The following FHIT variants were observed in gnomAD, a reference collection of about 807,000 sequenced individuals.
FHIT encodes the protein bis(5'-adenosyl)-triphosphatase.
Under a neutral mutation model 17.9 loss-of-function variants are expected in FHIT, and 19 were observed. That is an observed-to-expected ratio of 1.06 (90% CI 0.74 to 1.56). FHIT has a LOEUF of 1.56. Ranked by LOEUF, FHIT falls within the 40% of genes most tolerant of loss-of-function variation. The pLI is 0.00. For synonymous variants in FHIT, 81 were observed against 69.7 expected (o/e 1.16, Z -0.81); for missense variants, 248 against 189.2 (o/e 1.31, Z -1.82).
chr3:60,529,282 G>A (rs187240832), intron 5 of FHIT, among the ~76,000 whole-genome samples: 52 of 152,054 alleles, frequency 3.4e-4, no homozygotes, highest in African/African-American at 9.9e-4. Context: ...ACACATATAC[G>A]TATTTTGTAT....
rs73836126 is a variant in FHIT, at chr3:60,788,600, A to G, written c.-18+33319T>C. ...ATACTAGGGGCTGAGGGTTGCCACA[A>G]AGGGAGGTATGTACATATATACAGC... On this transcript the variant is annotated intron_variant, in intron 4 of 9. Coordinates refer to ENST00000492590, the MANE Select transcript of FHIT (RefSeq NM_002012.4). Among the ~76,000 whole-genome samples, 235 of 152,284 alleles carry G rather than the reference A, an allele frequency of 1.5e-3. 2 individuals carry two copies. Among genetic ancestry groups the G allele is most frequent in the African/African-American group, 5.4e-3 (226 of 41,548 alleles).
chr3:60,059,450 G>C (rs1352522157), intron 5 of FHIT, among the ~76,000 whole-genome samples: 6 of 152,132 alleles, frequency 3.9e-5, no homozygotes, highest in African/African-American at 1.4e-4. Flanking sequence ...AGGCCCAGAA[G>C]TACAACAACA....
chr3:59,904,831 G>T (rs961662570), intron 8 of FHIT, among the ~76,000 whole-genome samples: 57 of 152,294 alleles, frequency 3.7e-4, no homozygotes, highest in African/African-American at 1.3e-3. Flanking sequence ...CTGGGCCTGG[G>T]GCCTTTTCCA....
At chr3:60,100,634 C>T (rs922902069) in intron 5 of FHIT, among the ~76,000 whole-genome samples, 1 of 152,094 alleles carries the variant, frequency 6.6e-6, no homozygotes, top group African/African-American at 2.4e-5. Flanking sequence ...TCAAAAACAC[C>T]ACAAATCACT....
In FHIT at chr3:60,081,084, A is replaced by G. The variant is rs1156698588; in HGVS notation, c.104-66932T>C. 3.3e-5 allele frequency among the ~76,000 whole-genome samples: 5 copies of G among 152,176 alleles called. No homozygotes were observed. The East Asian group carries it at 9.7e-4, about 29-fold the overall frequency. ...CAAAGAGAGAGAAATAGACAGGGAGATGGAATGAGGTAGACAAATCTTAGA... is the reference window on the plus strand; with the variant it reads ...CAAAGAGAGAGAAATAGACAGGGAGGTGGAATGAGGTAGACAAATCTTAGA... On this transcript the variant is annotated intron_variant, in intron 5 of 9. Transcript: ENST00000492590.
chr3:60,951,087 T>C (rs1409396347), intron 3 of FHIT, among the ~76,000 whole-genome samples: 3 of 152,202 alleles, frequency 2.0e-5, no homozygotes, highest in Non-Finnish European at 4.4e-5. Flanking sequence ...ACATTCCTGA[T>C]ACACAGGAGA....
chr3:60,041,028 T>C lies in FHIT; in HGVS notation c.104-26876A>G, dbSNP rs1701417276. The stretch of plus-strand genomic sequence containing the variant: ...ATAAACCACAGGTGTCAGATATGTA[T>C]CCAAAACATCTCTCTGAAGGACTTT... On this transcript the variant is annotated intron_variant, in intron 5 of 9. Transcript: ENST00000492590. Among the ~76,000 whole-genome samples, 3 of 152,238 alleles carry C rather than the reference T, an allele frequency of 2.0e-5. No individual in the cohort carries two copies. The South Asian group carries it at 6.2e-4, about 32-fold the overall frequency.
chr3:59,840,987 C>G (rs1293893624), intron 8 of FHIT, among the ~76,000 whole-genome samples: 5 of 152,152 alleles, frequency 3.3e-5, no homozygotes, highest in Non-Finnish European at 5.9e-5. Flanking sequence ...TCTATTAAAA[C>G]ACCCAGGAAC....
intron 3 of FHIT, among the ~76,000 whole-genome samples, chr3:60,915,193 C>T (rs1706941012): frequency 6.6e-6 from 1 of 152,016 alleles, no homozygotes; most frequent in Non-Finnish European, 1.5e-5. Flanking sequence ...ACACCAGAAA[C>T]CTAATATGAG....
At chr3:60,001,906 C>T (rs1468954508) in intron 7 of FHIT, among the ~76,000 whole-genome samples, 1 of 151,998 alleles carries the variant, frequency 6.6e-6, no homozygotes. Context: ...AAATAAAAGC[C>T]CCTGGTGAGC....
chr3:60,336,093 A>G (rs561691605), intron 5 of FHIT, among the ~76,000 whole-genome samples: 5 of 152,310 alleles, frequency 3.3e-5, no homozygotes, highest in East Asian at 3.9e-4. Flanking sequence ...TTAGCATTCA[A>G]TCATGAAAGA....
At chr3:61,160,361 A>G (rs182300562) in intron 2 of FHIT, among the ~76,000 whole-genome samples, 30 of 152,346 alleles carry the variant, frequency 2.0e-4, no homozygotes, top group Admixed American at 2.0e-3. Context: ...CATTAGAGGA[A>G]AAAATAAATG....
At chr3:60,601,198 G>A (rs906488809) in intron 4 of FHIT, among the ~76,000 whole-genome samples, 8 of 152,192 alleles carry the variant, frequency 5.3e-5, no homozygotes, top group African/African-American at 1.4e-4. Context: ...GGATCAGGTC[G>A]CCCAGTGTGG....
chr3:60,599,193 A>T (rs944423203), intron 4 of FHIT, among the ~76,000 whole-genome samples: 55 of 152,154 alleles, frequency 3.6e-4, no homozygotes, highest in Non-Finnish European at 7.5e-4. Flanking sequence ...ACTCTGTAAT[A>T]ACTTGCATTG....
chr3:60,032,394 G>A (rs1002761039), intron 5 of FHIT, among the ~76,000 whole-genome samples: 2 of 151,944 alleles, frequency 1.3e-5, no homozygotes, highest in African/African-American at 2.4e-5. Context: ...CAAAGTTGCA[G>A]TAAGCTATGA....
chr3:60,715,264 C>T (rs1290627229), intron 4 of FHIT, among the ~76,000 whole-genome samples: 2 of 152,090 alleles, frequency 1.3e-5, no homozygotes, highest in African/African-American at 2.4e-5. Context: ...CCCTTTCTTA[C>T]ACCTTATACA....
chr3:60,604,150 G>T (rs61687501), intron 4 of FHIT, among the ~76,000 whole-genome samples: 1,552 of 152,216 alleles, frequency 0.01, 34 homozygotes, highest in African/African-American at 0.036. Flanking sequence ...AAAATACAAG[G>T]ATTTACATTT....
chr3:60,595,928 T>C (rs1299755007), intron 4 of FHIT, among the ~76,000 whole-genome samples: 1 of 151,966 alleles, frequency 6.6e-6, no homozygotes, highest in Non-Finnish European at 1.5e-5. Flanking sequence ...CCTGGTCCCA[T>C]AATATATTTT....
intron 4 of FHIT, among the ~76,000 whole-genome samples, chr3:60,710,046 A>T (rs1292989305): frequency 1.3e-5 from 2 of 150,360 alleles, no homozygotes. Flanking sequence ...TTCTTTCTGC[A>T]TACTTCCCAT....
Sources: gnomAD v4.1 joint callset for allele counts (sites outside exome capture counted in the v4.1 genomes callset) on GRCh38, gnomAD v4.1.1 for gene constraint, MANE v1.5 for transcripts, NCBI Gene and HGNC (gene_info 2026-07-23, HGNC 2026-07-21) for gene names.